CPQ: variants seen among roughly 807,000 people sequenced by gnomAD.
CPQ encodes carboxypeptidase Q.
In CPQ, 37 loss-of-function variants were observed where a neutral mutation model predicts 45.7. The observed-to-expected ratio is 0.81, with a 90% CI of 0.62 to 1.07. The LOEUF (loss-of-function observed/expected upper bound fraction) is 1.07, where lower values mean the gene tolerates loss of function less well. Ranked by LOEUF, CPQ falls within the 50% of genes least tolerant of loss-of-function variation. CPQ has a pLI of 0.00. For synonymous variants in CPQ, 186 were observed against 205.8 expected (o/e 0.90, Z 0.82); for missense variants, 537 against 572.9 (o/e 0.94, Z 0.64).
intron 4 of CPQ, among the ~76,000 whole-genome samples, chr8:96,947,339 C>T (rs905045871): frequency 9.2e-5 from 14 of 152,116 alleles, no homozygotes; most frequent in African/African-American, 2.9e-4. Flanking sequence ...TATGTACACC[C>T]TATGGTGCTT....
intron 5 of CPQ, among the ~76,000 whole-genome samples, chr8:96,988,764 A>C (rs911307445): frequency 6.6e-6 from 1 of 152,236 alleles, no homozygotes; most frequent in Non-Finnish European, 1.5e-5. Context: ...GATCAAACAG[A>C]AATGCCTCCC....
chr8:96,953,262 A>C (rs1813297506), intron 4 of CPQ, among the ~76,000 whole-genome samples: 1 of 152,058 alleles, frequency 6.6e-6, no homozygotes, highest in African/African-American at 2.4e-5. Flanking sequence ...CGGCCTCCTC[A>C]GGGCAGGTGT....
chr8:96,983,867 G>A (rs965277344), intron 5 of CPQ, among the ~76,000 whole-genome samples: 10 of 149,610 alleles, frequency 6.7e-5, no homozygotes, highest in Non-Finnish European at 1.0e-4. Context: ...GACTTACCTC[G>A]GTTGTTGTGT....
chr8:96,668,903 T>C (rs1808963446), intron 1 of CPQ, among the ~76,000 whole-genome samples: 1 of 152,048 alleles, frequency 6.6e-6, no homozygotes, highest in Non-Finnish European at 1.5e-5. Context: ...AAAGCCTGTT[T>C]TCTCTAACAA....
At chr8:96,789,633 C>T (rs1810820878) in intron 2 of CPQ, among the ~76,000 whole-genome samples, 1 of 152,190 alleles carries the variant, frequency 6.6e-6, no homozygotes, top group African/African-American at 2.4e-5. Context: ...GGCCAAATGC[C>T]TTGGAAGTTC....
At position 96,974,830 on chromosome 8, in the gene CPQ, G is replaced by A. The variant is rs184707467; in HGVS notation, c.961+8784G>A. 1.8e-4 allele frequency among the ~76,000 whole-genome samples: 27 copies of A among 151,952 alleles called. No individual in the cohort carries two copies. The East Asian group carries it at 4.1e-3, about 23-fold the overall frequency. ...TTTTGAACTGAATAATAATAGTGACGCAGCCTATCAAAACCTCTGGGATAC... is the reference window on the plus strand; with the variant it reads ...TTTTGAACTGAATAATAATAGTGACACAGCCTATCAAAACCTCTGGGATAC... On this transcript the variant is annotated intron_variant, in intron 5 of 7. Coordinates refer to ENST00000220763, the MANE Select transcript of CPQ (RefSeq NM_016134.4).
At chr8:96,902,598 C>T (rs1812525226) in intron 4 of CPQ, among the ~76,000 whole-genome samples, 1 of 152,126 alleles carries the variant, frequency 6.6e-6, no homozygotes, top group Non-Finnish European at 1.5e-5. Flanking sequence ...CCATCTGGGC[C>T]CACTGCATCT....
rs2439699 is a variant in CPQ at position 97,135,071 on chromosome 8, T to A, written c.1256-7949T>A. ...GGGACCTGCAAGTCCACCAGAGGTG[T>A]TGGTGTTGACCTAAACTATTTGGTC... On this transcript the variant is annotated intron_variant, in intron 7 of 7. Transcript: ENST00000220763. Among the ~76,000 whole-genome samples the A allele has an allele frequency of 5.3e-3, 800 of 152,252 alleles. 2 individuals carry two copies. Among genetic ancestry groups the A allele is most frequent in the Non-Finnish European group, 9.5e-3 (646 of 68,016 alleles).
chr8:96,904,133 C>T (rs181615165), intron 4 of CPQ, among the ~76,000 whole-genome samples: 120 of 152,300 alleles, frequency 7.9e-4, no homozygotes, highest in Non-Finnish European at 9.8e-4. Context: ...CAGCAGGCTT[C>T]CTACTTGATA....
chr8:96,658,179 A>G (rs934365210), intron 1 of CPQ, among the ~76,000 whole-genome samples: 2 of 152,176 alleles, frequency 1.3e-5, no homozygotes, highest in African/African-American at 2.4e-5. Flanking sequence ...ATAAACACCA[A>G]CTAAGTTCTT....
chr8:96,853,470 T>C (rs1586426778), intron 3 of CPQ, among the ~76,000 whole-genome samples: 1 of 152,208 alleles, frequency 6.6e-6, no homozygotes, highest in East Asian at 1.9e-4. Flanking sequence ...TGCACTGTGC[T>C]GTTACTGGTC....
intron 1 of CPQ, among the ~76,000 whole-genome samples, chr8:96,781,280 AT>A (rs1356023217): frequency 6.6e-6 from 1 of 152,210 alleles, no homozygotes; most frequent in East Asian, 1.9e-4. Context: ...ACTAACAGAA[AT>A]TAATTGGTTT....
rs11783523 is a variant in CPQ, at chr8:96,804,834, G to A, written c.433+19504G>A. Among the ~76,000 whole-genome samples, 1,175 of 151,408 alleles carry A rather than the reference G, an allele frequency of 7.8e-3. 9 individuals carry two copies. The highest frequency in any genetic ancestry group is 0.013 in the Non-Finnish European group (895 of 67,864). On this transcript the variant is annotated intron_variant, in intron 2 of 7. Coordinates refer to ENST00000220763, the MANE Select transcript of CPQ (RefSeq NM_016134.4). The stretch of plus-strand genomic sequence containing the variant: ...TTTTTTTTTTTAAGTTCACACTGCC[G>A]TATTGTACTCTCCTCAACCTTACTT...
chr8:96,932,585 C>T (rs1453315475), intron 4 of CPQ, among the ~76,000 whole-genome samples: 1 of 152,198 alleles, frequency 6.6e-6, no homozygotes, highest in African/African-American at 2.4e-5. Flanking sequence ...CTACTCATAA[C>T]AACCCAGCCC....
intron 1 of CPQ, among the ~76,000 whole-genome samples, chr8:96,779,193 C>T (rs1431990141): frequency 6.6e-6 from 1 of 151,884 alleles, no homozygotes; most frequent in African/African-American, 2.4e-5. Context: ...TCTGGTGGTC[C>T]CTCTAGAAAG....
At chr8:96,988,102 T>C (rs1223411333) in intron 5 of CPQ, among the ~76,000 whole-genome samples, 1 of 152,232 alleles carries the variant, frequency 6.6e-6, no homozygotes. Context: ...ATCTAGTCAC[T>C]GTTCACTAGT....
At chr8:96,826,103 T>G (rs1811375884) in intron 2 of CPQ, among the ~76,000 whole-genome samples, 1 of 152,100 alleles carries the variant, frequency 6.6e-6, no homozygotes, top group Non-Finnish European at 1.5e-5. Context: ...CTGCCAATAC[T>G]GTATTTTAAT....
At chr8:96,885,337 C>T (rs1812287394) in intron 4 of CPQ, among the ~76,000 whole-genome samples, 1 of 152,158 alleles carries the variant, frequency 6.6e-6, no homozygotes. Flanking sequence ...GATTTAATTA[C>T]CTCATATTAG....
intron 7 of CPQ, among the ~76,000 whole-genome samples, chr8:97,098,458 C>G (rs150922443): frequency 4.7e-4 from 71 of 152,288 alleles, no homozygotes; most frequent in African/African-American, 1.6e-3. Flanking sequence ...TAGACAGCAA[C>G]TCTCAGCAGA....
Sources: allele counts gnomAD v4.1 joint callset (sites outside exome capture counted in the v4.1 genomes callset), GRCh38; gene constraint gnomAD v4.1.1; transcripts MANE v1.5; gene names NCBI Gene and HGNC (gene_info 2026-07-23, HGNC 2026-07-21).